Variants in GGTA1 observed in about 807,000 individuals in gnomAD.
The protein encoded by GGTA1 is glycoprotein alpha-galactosyltransferase 1 (inactive).
Under a neutral mutation model 2.6 loss-of-function variants are expected in GGTA1, and 5 were observed. That is an observed-to-expected ratio of 1.92 (90% CI 1.00 to 4.04). The LOEUF is 4.04. Among genes scored for constraint, GGTA1 ranks in the 30% most tolerant of loss-of-function variants. The probability of loss-of-function intolerance (pLI) is 0.00; values close to 1 mark genes in which losing one functional copy is unlikely to be tolerated. For missense variants in GGTA1, 50 were observed against 16.7 expected (o/e 2.99, Z -3.47); for synonymous variants, 17 against 5.0 (o/e 3.38, Z -3.19).
intron 1 of GGTA1, among the ~76,000 whole-genome samples, chr9:121,468,887 C>T (rs73661734): frequency 2.0e-3 from 297 of 152,276 alleles, no homozygotes; most frequent in African/African-American, 6.7e-3. Flanking sequence ...CAAGTCTGAT[C>T]GCCCCACCTT....
chr9:121,458,088 G>T (rs886501845), intron 5 of GGTA1, among the ~76,000 whole-genome samples: 3 of 151,100 alleles, frequency 2.0e-5, no homozygotes, highest in African/African-American at 4.9e-5. Flanking sequence ...TTTTTGTTTT[G>T]CAGTAGAGAC....
At chr9:121,458,161 C>T (rs967752548) in intron 5 of GGTA1, among the ~76,000 whole-genome samples, 6 of 151,682 alleles carry the variant, frequency 4.0e-5, no homozygotes, top group Non-Finnish European at 5.9e-5. Context: ...CCACCTGTCT[C>T]GGCCTCCCAA....
At chr9:121,451,054 A>G (rs995415222), downstream of GGTA1, among the ~76,000 whole-genome samples, 6 of 152,126 alleles carry the variant, frequency 3.9e-5, no homozygotes, top group African/African-American at 1.4e-4. Context: ...GAAGAGATAT[A>G]GAGGGAAAGG....
intron 1 of GGTA1, among the ~76,000 whole-genome samples, chr9:121,480,061 C>CTTTTCTTTTTTTTTT (rs58602847): frequency 7.2e-6 from 1 of 139,828 alleles, no homozygotes; most frequent in Non-Finnish European, 1.5e-5. Context: ...CTTTTCTTTT[C>CTTTTCTTTTTTTTTT]TTTTTTTTTT....
intron 1 of GGTA1, among the ~76,000 whole-genome samples, chr9:121,486,186 C>T (rs1437152521): frequency 6.6e-6 from 1 of 152,202 alleles, no homozygotes; most frequent in East Asian, 1.9e-4. Context: ...TGATGAGTGG[C>T]CCATTTCTCT....
At chr9:121,449,814 T>C (rs1589324851) in intron 7 of GGTA1, among the ~76,000 whole-genome samples, 1 of 114,354 alleles carries the variant, frequency 8.7e-6, no homozygotes, top group South Asian at 2.8e-4. Flanking sequence ...CACTCCAGCC[T>C]GGGTGACAGA....
intron 1 of GGTA1, among the ~76,000 whole-genome samples, chr9:121,489,750 G>A (rs1295176540): frequency 1.3e-5 from 2 of 152,168 alleles, no homozygotes; most frequent in Non-Finnish European, 2.9e-5. Context: ...TGCATTCTTC[G>A]GGTGGCAGGG....
chr9:121,473,945 G>GAGAA (rs1828449973), intron 1 of GGTA1, among the ~76,000 whole-genome samples: 1 of 136,414 alleles, frequency 7.3e-6, no homozygotes, highest in Non-Finnish European at 1.6e-5. Flanking sequence ...GAGAAGGAGA[G>GAGAA]AGAGAGAGAG....
intron 4 of GGTA1, among the ~76,000 whole-genome samples, chr9:121,460,847 A>G (rs925731290): frequency 1.3e-5 from 2 of 152,132 alleles, no homozygotes; most frequent in African/African-American, 4.8e-5. Context: ...CTGCATCTCA[A>G]AAAAATAAAA....
intron 1 of GGTA1, among the ~76,000 whole-genome samples, chr9:121,480,180 C>G (rs940786838): frequency 6.6e-6 from 1 of 152,018 alleles, no homozygotes; most frequent in Non-Finnish European, 1.5e-5. Context: ...CTCAGCCTCC[C>G]GAGTAGCTGG....
chr9:121,490,998 T>A (rs1293236944), intron 1 of GGTA1, among the ~76,000 whole-genome samples: 1 of 148,910 alleles, frequency 6.7e-6, no homozygotes, highest in Non-Finnish European at 1.5e-5. Context: ...ATATTAATTA[T>A]CCCTTTCTCT....
chr9:121,480,946 G>A (rs1435745146), intron 1 of GGTA1, among the ~76,000 whole-genome samples: 1 of 151,610 alleles, frequency 6.6e-6, no homozygotes, highest in Non-Finnish European at 1.5e-5. Context: ...GAGGTCAGGA[G>A]ATCGAGATCA....
exon 8 of GGTA1, chr9:121,446,021 C>G (rs1334690375): frequency 2.0e-5 from 3 of 152,202 alleles, no homozygotes; most frequent in Non-Finnish European, 4.4e-5. Context: ...GTTGCAGAGT[C>G]TGGTAGACTG....
intron 3 of GGTA1, among the ~76,000 whole-genome samples, chr9:121,462,045 C>T (rs899278017): frequency 2.0e-5 from 3 of 152,170 alleles, no homozygotes; most frequent in African/African-American, 7.2e-5. Context: ...GGTGGGGGGT[C>T]GGGCACGGTG....
At chr9:121,460,308 C>G (rs1029858678) in intron 4 of GGTA1, 89 bp from the exon 5 acceptor site, 7 of 442,674 alleles carry the variant, frequency 1.6e-5, no homozygotes, top group Non-Finnish European at 2.7e-5. Context: ...GAAATGTGTT[C>G]CAAGGCAGAT....
Position 121,455,181 on chromosome 9 carries a change from G to A in GGTA1, c.*656C>T, listed in dbSNP as rs1276906973. On this transcript the variant is annotated 3_prime_UTR_variant, in exon 6 of 6. Coordinates refer to ENST00000481799, the MANE Select transcript of GGTA1 (RefSeq NM_001382585.1). ...AAAACTCCCATCTTTGTTGAATGAC[G>A]AGATTGTAAACCAGAAACCAAAAAC... 4 of 152,156 alleles carry A rather than the reference G, an allele frequency of 2.6e-5. No individual in the cohort carries two copies. The highest frequency in any genetic ancestry group is 1.9e-4 in the East Asian group (1 of 5,180). The allele number at this position is 152,156 out of a possible 1,614,324, so 9.4% of individuals were successfully genotyped here. A position where few individuals can be genotyped will look rare whatever the true frequency, so the allele number is the denominator to read the frequency against.
Position 121,474,921 on chromosome 9 carries a change from T to A in GGTA1, c.-9-6990A>T, listed in dbSNP as rs1369971898. Among the ~76,000 whole-genome samples the A allele has an allele frequency of 2.6e-5, 4 of 151,294 alleles. No homozygotes were observed. The East Asian group carries it at 7.7e-4, about 29-fold the overall frequency. On this transcript the variant is annotated intron_variant, in intron 1 of 5. Transcript: ENST00000481799. ...TCCTCCGCTTGAGCCTTAATCACTT[T>A]CAGGCTATTGTGATGGGTCCAGACT...
At position 121,476,216 on chromosome 9, in the gene GGTA1, A is replaced by G. The variant is rs954598843; in HGVS notation, c.-9-8285T>C. On this transcript the variant is annotated intron_variant, in intron 1 of 5. Coordinates refer to ENST00000481799, the MANE Select transcript of GGTA1 (RefSeq NM_001382585.1). The surrounding 1 kb of genome is among the most constrained non-coding windows in gnomAD (Gnocchi z 4.6). The stretch of plus-strand genomic sequence containing the variant: ...CAGTCAGGAGCGAGTCCACACGCCA[A>G]CTGCATGTTGTGATAAAGTCAGCTC... Among the ~76,000 whole-genome samples, 8 of 152,188 alleles carry G rather than the reference A, an allele frequency of 5.3e-5. No individual in the cohort carries two copies. Among genetic ancestry groups the G allele is most frequent in the Admixed American group, 5.2e-4 (8 of 15,272 alleles).
At chr9:121,481,289 A>T (rs985566038) in intron 1 of GGTA1, among the ~76,000 whole-genome samples, 1 of 152,190 alleles carries the variant, frequency 6.6e-6, no homozygotes, top group South Asian at 2.1e-4. Context: ...TGAGCGAGCT[A>T]CAGCTACTCA....
Sources: gnomAD v4.1 joint callset for allele counts (sites outside exome capture counted in the v4.1 genomes callset) on GRCh38, gnomAD v4.1.1 for gene constraint, Gnocchi (gnomAD v3.1) non-coding constraint, MANE v1.5 for transcripts, NCBI Gene and HGNC (gene_info 2026-07-23, HGNC 2026-07-21) for gene names.